TMEM200B: variants seen among roughly 807,000 people sequenced by gnomAD.
TMEM200B encodes transmembrane protein TTMA.
In TMEM200B, 12 loss-of-function variants were observed where a neutral mutation model predicts 17.6. That is an observed-to-expected ratio of 0.68 (90% confidence interval 0.44 to 1.11). The LOEUF (loss-of-function observed/expected upper bound fraction) is 1.11, where lower values mean the gene tolerates loss of function less well. TMEM200B is among the 50% of genes least tolerant of loss of function. The probability of loss-of-function intolerance (pLI) is 0.00; values close to 1 mark genes in which losing one functional copy is unlikely to be tolerated. For synonymous variants in TMEM200B, 234 were observed against 209.2 expected (o/e 1.12, Z -1.02); for missense variants, 456 against 447.6 (o/e 1.02, Z -0.17).
In TMEM200B at chr1:29,121,155, G is replaced by A. The variant is rs369116366; in HGVS notation, c.674C>T (p.Pro225Leu). The A allele has an allele frequency of 1.9e-6, 3 of 1,613,560 alleles. No individual in the cohort carries two copies. The highest frequency in any genetic ancestry group is 2.7e-5 in the African/African-American group (2 of 74,948). The change falls in exon 2 of 2, where the codon CCG becomes CTG. Residue 225 changes from proline (P) to leucine (L), a missense_variant. Pro to Leu is a moderately conservative substitution (Grantham distance 98). Coordinates refer to ENST00000521452, the MANE Select transcript of TMEM200B (RefSeq NM_001003682.4). The surrounding 1 kb of genome is among the most constrained non-coding windows in gnomAD (Gnocchi z 5.6). ...LGLPALLNSY[P>L]LKGPGLPPPW... ...TGGGGGCAGCCCGGGGCCCTTCAGC[G>A]GGTAGCTGTTGAGCAAGGCAGGTAA...
At position 29,120,790 on chromosome 1, in the gene TMEM200B, C is replaced by G. The variant is rs1356937982; in HGVS notation, c.*115G>C. The G allele has an allele frequency of 6.1e-6, 8 of 1,306,986 alleles. No individual in the cohort carries two copies. The Admixed American group carries it at 2.3e-4, about 37-fold the overall frequency. The allele number at this position is 1,306,986 out of a possible 1,614,324, so 81.0% of individuals were successfully genotyped here. A position where few individuals can be genotyped will look rare whatever the true frequency, so the allele number is the denominator to read the frequency against. On this transcript the variant is annotated 3_prime_UTR_variant, in exon 2 of 2. Transcript: ENST00000521452. ...TTCACAGCTGCTGTGGTCAGAGCAT[C>G]CATCCCCAGCCTGGGATGTGACTGA...
chr1:29,120,518 A>G lies in TMEM200B; in HGVS notation c.*387T>C, dbSNP rs147465601. 51 of 214,160 alleles carry G rather than the reference A, an allele frequency of 2.4e-4. No individual in the cohort carries two copies. The highest frequency in any genetic ancestry group is 1.1e-3 in the East Asian group (11 of 9,758). 13.3% of individuals were successfully genotyped at this position (214,160 alleles called of 1,614,324 possible). On this transcript the variant is annotated 3_prime_UTR_variant, in exon 2 of 2. Coordinates refer to ENST00000521452, the MANE Select transcript of TMEM200B (RefSeq NM_001003682.4). ...GAGGGAGCCTGCCCCAGCCTGTAACATCCCAACCTACCTCCCAGTCTTAGG... is the reference window on the plus strand; with the variant it reads ...GAGGGAGCCTGCCCCAGCCTGTAACGTCCCAACCTACCTCCCAGTCTTAGG...
At position 29,120,957 on chromosome 1, in the gene TMEM200B, A is replaced by C. The variant is rs1671738786; in HGVS notation, c.872T>G (p.Leu291Arg). The change falls in exon 2 of 2, where the codon CTT becomes CGT. Residue 291 changes from leucine to arginine, a missense_variant. Transcript: ENST00000521452. ...RSWPRLDRLS[L>R]GGYAKLGGGG... ...TCCTCCCAATTTGGCATAGCCCCCA[A>C]GACTGAGGCGGTCCAGCCGTGGCCA... 2 of 1,613,356 alleles carry C rather than the reference A, an allele frequency of 1.2e-6. No individual in the cohort carries two copies. Among genetic ancestry groups the C allele is most frequent in the Non-Finnish European group, 1.7e-6 (2 of 1,179,808 alleles).
At position 29,120,593 on chromosome 1, in the gene TMEM200B, C is replaced by T. The variant is rs1419397178; in HGVS notation, c.*312G>A. On this transcript the variant is annotated 3_prime_UTR_variant, in exon 2 of 2. Coordinates refer to ENST00000521452, the MANE Select transcript of TMEM200B (RefSeq NM_001003682.4). ...GTTTGCCAAGACACTGGGTACATCTCCCAGTCACCCTGGCCTGGACCTCCA... is the reference window on the plus strand; with the variant it reads ...GTTTGCCAAGACACTGGGTACATCTTCCAGTCACCCTGGCCTGGACCTCCA... 14 of 369,692 alleles carry T rather than the reference C, an allele frequency of 3.8e-5. No individual in the cohort carries two copies. Among genetic ancestry groups the T allele is most frequent in the Non-Finnish European group, 6.4e-5 (13 of 203,936 alleles). The allele number at this position is 369,692 out of a possible 1,614,324, so 22.9% of individuals were successfully genotyped here.
rs769041366 is a variant in TMEM200B, at chr1:29,121,227, G to C, written c.602C>G (p.Pro201Arg). The C allele has an allele frequency of 3.1e-6, 5 of 1,613,286 alleles. No individual in the cohort carries two copies. The highest frequency in any genetic ancestry group is 2.2e-5 in the South Asian group (2 of 91,074). ...CTCTGAACGCAGACTCCGCACTGAC[G>C]GGACGGGTGAAGTACCCCGACGCGG... ...PSPRRGTSPV[P>R]SVRSLRSEPA... Residue 201 changes from proline to arginine, a missense_variant, in exon 2 of 2, where the codon CCG (proline) becomes CGG (arginine). Transcript: ENST00000521452. This position sits in a 1 kb window ranked among gnomAD's most constrained non-coding sequence, Gnocchi z 5.6.
chr1:29,121,110 T>C lies in TMEM200B; in HGVS notation c.719A>G (p.Gln240Arg), dbSNP rs1378210265. 6.2e-7 allele frequency: 1 copy of C among 1,613,718 alleles called. No individual in the cohort carries two copies. The highest frequency in any genetic ancestry group is 8.5e-7 in the Non-Finnish European group (1 of 1,180,020). The change falls in exon 2 of 2, where the codon CAG becomes CGG. Residue 240 changes from glutamine (Q) to arginine (R), a missense_variant. Gln to Arg is a conservative substitution (Grantham distance 43, BLOSUM62 1). Coordinates refer to ENST00000521452, the MANE Select transcript of TMEM200B (RefSeq NM_001003682.4). This position sits in a 1 kb window ranked among gnomAD's most constrained non-coding sequence, Gnocchi z 5.6. ...CACGGTGATGATCACATGGCCAGTC[T>C]GCGTCCGTGGACCCCAGGGTGGGGG... ...GLPPPWGPRT[Q>R]TGHVIITVQP...
intron 1 of TMEM200B, among the ~76,000 whole-genome samples, chr1:29,122,727 G>A (rs1286837628): frequency 1.3e-5 from 2 of 152,194 alleles, no homozygotes; most frequent in Non-Finnish European, 1.5e-5. Flanking sequence ...GGGCTCCTCC[G>A]GATGAATCAT....
rs1191951719 is a variant in TMEM200B, at chr1:29,121,209, C to T, written c.620G>A (p.Arg207His). 2.5e-6 allele frequency: 4 copies of T among 1,613,414 alleles called. No homozygotes were observed. The highest frequency in any genetic ancestry group is 2.2e-5 in the South Asian group (2 of 91,082). ...TSPVPSVRSLRSEPANPRLGL... is the reference protein window; with the variant it reads ...TSPVPSVRSLHSEPANPRLGL... The stretch of plus-strand genomic sequence containing the variant: ...CAAGCGAGGATTAGCGGGCTCTGAA[C>T]GCAGACTCCGCACTGACGGGACGGG... Residue 207 changes from arginine to histidine, a missense_variant, in exon 2 of 2, where the codon CGT (arginine) becomes CAT (histidine). By Grantham distance (29) the Arg-to-His change is conservative (BLOSUM62 0). Coordinates refer to ENST00000521452, the MANE Select transcript of TMEM200B (RefSeq NM_001003682.4). The surrounding 1 kb of genome is among the most constrained non-coding windows in gnomAD (Gnocchi z 5.6).
At position 29,121,100 on chromosome 1, in the gene TMEM200B, A is replaced by G. The variant is rs901309948; in HGVS notation, c.729T>C (p.His243=). The G allele has an allele frequency of 3.7e-6, 6 of 1,613,830 alleles. No homozygotes were observed. The highest frequency in any genetic ancestry group is 5.1e-6 in the Non-Finnish European group (6 of 1,180,024). The change falls in exon 2 of 2, where the codon CAT becomes CAC. Residue 243 remains histidine (H), a synonymous_variant. Transcript: ENST00000521452. The surrounding 1 kb of genome is among the most constrained non-coding windows in gnomAD (Gnocchi z 5.6). ...PPWGPRTQTG[H]VIITVQPSGS... The stretch of plus-strand genomic sequence containing the variant: ...CAGACGGCTGCACGGTGATGATCAC[A>G]TGGCCAGTCTGCGTCCGTGGACCCC...
intron 1 of TMEM200B, among the ~76,000 whole-genome samples, chr1:29,122,085 G>A (rs1026657565): frequency 9.2e-5 from 14 of 152,154 alleles, no homozygotes; most frequent in Non-Finnish European, 2.9e-5. Context: ...AGTTGGCCCG[G>A]CCAGCGGGCG....
In TMEM200B at chr1:29,121,683, C is replaced by T. The variant is rs771129127; in HGVS notation, c.146G>A (p.Arg49His). The change falls in exon 2 of 2, where the codon CGC (arginine) becomes CAC (histidine). Residue 49 changes from arginine to histidine, a missense_variant. Physicochemically the swap from Arg to His is conservative, Grantham distance 29. Coordinates refer to ENST00000521452, the MANE Select transcript of TMEM200B (RefSeq NM_001003682.4). The surrounding 1 kb of genome is among the most constrained non-coding windows in gnomAD (Gnocchi z 5.6). ...PLRVRARLRLRSPSGAFAALG... is the reference protein window; with the variant it reads ...PLRVRARLRLHSPSGAFAALG... Reference sequence around the variant, plus strand: ...CGCCGCGAACGCCCCCGACGGCGAGCGCAGCCGCAGCCGCGCCCGCACCCG... The same window carrying T: ...CGCCGCGAACGCCCCCGACGGCGAGTGCAGCCGCAGCCGCGCCCGCACCCG... The T allele has an allele frequency of 9.4e-5, 125 of 1,323,152 alleles. No individual in the cohort carries two copies. In the African/African-American group the frequency reaches 1.7e-3, roughly 18 times the overall value. The allele number at this position is 1,323,152 out of a possible 1,614,324, so 82.0% of individuals were successfully genotyped here.
At position 29,121,368 on chromosome 1, in the gene TMEM200B, GCCCGCAGCA is replaced by G; in HGVS notation, c.452_460del (p.Val151_Arg153del). 1 of 1,553,324 alleles carries G rather than the reference GCCCGCAGCA, an allele frequency of 6.4e-7. No homozygotes were observed. The highest frequency in any genetic ancestry group is 1.7e-4 in the Middle Eastern group (1 of 5,988). ...GCCGTCGGGGGGCCGGAGCGCCTGG[GCCCGCAGCA>G]CCCCCTGGCGGAGCCGTCGCGTCTC... is the stretch of plus-strand genomic sequence containing the variant. On this transcript the variant is annotated inframe_deletion, in exon 2 of 2. Coordinates refer to ENST00000521452, the MANE Select transcript of TMEM200B (RefSeq NM_001003682.4). This position sits in a 1 kb window ranked among gnomAD's most constrained non-coding sequence, Gnocchi z 5.6.
rs1256519082 is a variant in TMEM200B at position 29,121,600 on chromosome 1, G to A, written c.229C>T (p.His77Tyr). 5.2e-5 allele frequency: 78 copies of A among 1,490,518 alleles called. No homozygotes were observed. The highest frequency in any genetic ancestry group is 6.6e-5 in the Non-Finnish European group (75 of 1,129,118). The allele number at this position is 1,490,518 out of a possible 1,614,324, so 92.3% of individuals were successfully genotyped here. A position where few individuals can be genotyped will look rare whatever the true frequency, so the allele number is the denominator to read the frequency against. ...MGIAVAGYWP[H>Y]RAGAPGSRAA... ...CGGGACCCTGGGGCCCCGGCCCGGT[G>A]CGGCCAGTAGCCGGCCACTGCAATG... is the stretch of plus-strand genomic sequence containing the variant. The change falls in exon 2 of 2, where the codon CAC becomes TAC. Residue 77 changes from histidine to tyrosine, a missense_variant. Physicochemically the swap from His to Tyr is moderately conservative, Grantham distance 83. Transcript: ENST00000521452. This position sits in a 1 kb window ranked among gnomAD's most constrained non-coding sequence, Gnocchi z 5.6.
chr1:29,119,726 A>G lies in TMEM200B; in HGVS notation c.*1179T>C, dbSNP rs935321617. The G allele has an allele frequency of 3.3e-5, 5 of 152,656 alleles. No homozygotes were observed. The highest frequency in any genetic ancestry group is 9.6e-5 in the African/African-American group (4 of 41,452). 9.5% of individuals were successfully genotyped at this position (152,656 alleles called of 1,614,324 possible). On this transcript the variant is annotated 3_prime_UTR_variant, in exon 2 of 2. Coordinates refer to ENST00000521452, the MANE Select transcript of TMEM200B (RefSeq NM_001003682.4). ...CTGACGCCTTTTGATGCTCACGGGA[A>G]ATTTCTGCCCAGGATCTCAGCCCCA... is the stretch of plus-strand genomic sequence containing the variant.
Position 29,121,716 on chromosome 1 carries a change from T to TCGGGCGGGGAGCGCGGGCG in TMEM200B, c.94_112dup (p.Glu38AlafsTer107). 7 of 1,220,896 alleles carry TCGGGCGGGGAGCGCGGGCG rather than the reference T, an allele frequency of 5.7e-6. No individual in the cohort carries two copies. Among genetic ancestry groups the TCGGGCGGGGAGCGCGGGCG allele is most frequent in the Non-Finnish European group, 7.1e-6 (7 of 983,106 alleles). 75.6% of individuals were successfully genotyped at this position (1,220,896 alleles called of 1,614,324 possible). On this transcript the variant is annotated frameshift_variant, in exon 2 of 2. Transcript: ENST00000521452. LOFTEE classifies it high-confidence loss of function. The surrounding 1 kb of genome is among the most constrained non-coding windows in gnomAD (Gnocchi z 5.6). ...CAGCCGCGCCCGCACCCGCAGAGGC[T>TCGGGCGGGGAGCGCGGGCG]CGGGCGGGGAGCGCGGGCGCCGGCG...
At position 29,121,089 on chromosome 1, in the gene TMEM200B, GTGA is replaced by G; in HGVS notation, c.737_739del (p.Ile246del). Reference sequence around the variant, plus strand: ...AATGCAGGAGCCAGACGGCTGCACGGTGATGATCACATGGCCAGTCTGCGTCCG... The same window carrying G: ...AATGCAGGAGCCAGACGGCTGCACGGTGATCACATGGCCAGTCTGCGTCCG... On this transcript the variant is annotated inframe_deletion, in exon 2 of 2. Coordinates refer to ENST00000521452, the MANE Select transcript of TMEM200B (RefSeq NM_001003682.4). This position sits in a 1 kb window ranked among gnomAD's most constrained non-coding sequence, Gnocchi z 5.6. 1.9e-6 allele frequency: 3 copies of G among 1,613,900 alleles called. No homozygotes were observed. The highest frequency in any genetic ancestry group is 1.7e-5 in the Admixed American group (1 of 60,032).
rs1203125900 is a variant in TMEM200B at position 29,121,477 on chromosome 1, C to G, written c.352G>C (p.Gly118Arg). The G allele has an allele frequency of 2.0e-6, 3 of 1,528,360 alleles. No individual in the cohort carries two copies. The highest frequency in any genetic ancestry group is 1.4e-5 in the African/African-American group (1 of 72,632). The allele number at this position is 1,528,360 out of a possible 1,614,324, so 94.7% of individuals were successfully genotyped here. ...HGPHERLRLL[G>R]PVIMGVGLFV... Reference sequence around the variant, plus strand: ...AGGCCGACGCCCATGATCACCGGCCCGAGGAGCCGCAGCCGCTCGTGCGGG... The same window carrying G: ...AGGCCGACGCCCATGATCACCGGCCGGAGGAGCCGCAGCCGCTCGTGCGGG... The change falls in exon 2 of 2, where the codon GGG becomes CGG. Residue 118 changes from glycine (G) to arginine (R), a missense_variant. Coordinates refer to ENST00000521452, the MANE Select transcript of TMEM200B (RefSeq NM_001003682.4). The surrounding 1 kb of genome is among the most constrained non-coding windows in gnomAD (Gnocchi z 5.6).
At position 29,121,050 on chromosome 1, in the gene TMEM200B, G is replaced by A. The variant is rs1558374051; in HGVS notation, c.779C>T (p.Ser260Phe). ...GAGCTCCCCAAGGCCCAGATCCAGA[G>A]ACTTGGAATGTTCAATGCAGGAGCC... is the stretch of plus-strand genomic sequence containing the variant. ...PSGSCIEHSK[S>F]LDLGLGELLL... Residue 260 changes from serine (S) to phenylalanine (F), a missense_variant, in exon 2 of 2, where the codon TCT (serine) becomes TTT (phenylalanine). By Grantham distance (155) the Ser-to-Phe change is radical (BLOSUM62 -2). Transcript: ENST00000521452. This position sits in a 1 kb window ranked among gnomAD's most constrained non-coding sequence, Gnocchi z 5.6. The A allele has an allele frequency of 1.2e-6, 2 of 1,613,820 alleles. No homozygotes were observed. Among genetic ancestry groups the A allele is most frequent in the Admixed American group, 1.7e-5 (1 of 60,032 alleles).
In TMEM200B at chr1:29,121,508, A is replaced by G. The variant is rs1186816634; in HGVS notation, c.321T>C (p.Ala107=). 4.0e-6 allele frequency: 6 copies of G among 1,510,138 alleles called. No individual in the cohort carries two copies. Among genetic ancestry groups the G allele is most frequent in the Non-Finnish European group, 5.3e-6 (6 of 1,135,246 alleles). 93.5% of individuals were successfully genotyped at this position (1,510,138 alleles called of 1,614,324 possible). ...GCCGCAGCCGCTCGTGCGGGCCGTGAGCCCGGCCCCCGCCGCGACCCTCGC... is the reference window on the plus strand; with the variant it reads ...GCCGCAGCCGCTCGTGCGGGCCGTGGGCCCGGCCCCCGCCGCGACCCTCGC... ...LRREGRGGGR[A]HGPHERLRLL... Residue 107 remains alanine (A), a synonymous_variant, in exon 2 of 2, where the codon GCT becomes GCC. Transcript: ENST00000521452. This position sits in a 1 kb window ranked among gnomAD's most constrained non-coding sequence, Gnocchi z 5.6.
Sources: allele counts gnomAD v4.1 joint callset (sites outside exome capture counted in the v4.1 genomes callset), GRCh38; gene constraint gnomAD v4.1.1; non-coding constraint Gnocchi (gnomAD v3.1); transcripts MANE v1.5; gene names NCBI Gene and HGNC (gene_info 2026-07-23, HGNC 2026-07-21).